Variants in IL1RAPL2 observed in about 807,000 individuals in gnomAD.
The protein encoded by IL1RAPL2 is interleukin 1 receptor accessory protein like 2.
In IL1RAPL2, 3 loss-of-function variants were observed where a neutral mutation model predicts 44.1. The observed-to-expected ratio is 0.07, with a 90% CI of 0.03 to 0.18. The LOEUF is 0.18. IL1RAPL2 is among the 10% of genes least tolerant of loss of function. IL1RAPL2 has a pLI of 1.00. For synonymous variants in IL1RAPL2, 181 were observed against 178.8 expected (o/e 1.01, Z -0.10); for missense variants, 391 against 496.4 (o/e 0.79, Z 2.02).
chrX:105,615,817 A>C (rs1264486356), intron 6 of IL1RAPL2, among the ~76,000 whole-genome samples: 1 of 112,325 alleles, frequency 8.9e-6, no homozygotes, highest in Non-Finnish European at 1.9e-5. Flanking sequence ...TTTAAAAATA[A>C]CTAAAAGAGT....
chrX:105,642,112 G>C (rs948018165), intron 6 of IL1RAPL2, among the ~76,000 whole-genome samples: 2 of 109,914 alleles, frequency 1.8e-5, no homozygotes, highest in Non-Finnish European at 3.8e-5. Flanking sequence ...AGCCCCCAAT[G>C]GTCTGGATCC....
At chrX:104,799,885 C>A (rs1483695902) in intron 2 of IL1RAPL2, among the ~76,000 whole-genome samples, 1 of 111,154 alleles carries the variant, frequency 9.0e-6, no homozygotes, top group Non-Finnish European at 1.9e-5. Context: ...TAACTGTGGT[C>A]ACCATGAAGT....
chrX:105,300,736 A>G (rs2034690970), intron 5 of IL1RAPL2, among the ~76,000 whole-genome samples: 2 of 111,315 alleles, frequency 1.8e-5, no homozygotes, highest in Admixed American at 1.9e-4. Flanking sequence ...AGTTTCACAC[A>G]TTAAAAGCTG....
chrX:105,065,655 A>G (rs934315722), intron 2 of IL1RAPL2, among the ~76,000 whole-genome samples: 1 of 112,221 alleles, frequency 8.9e-6, no homozygotes, highest in African/African-American at 3.2e-5. Flanking sequence ...GTGTTCAAAT[A>G]CCTAAAAGCT....
chrX:105,546,391 C>G (rs2036799727), intron 6 of IL1RAPL2, among the ~76,000 whole-genome samples: 1 of 111,133 alleles, frequency 9.0e-6, no homozygotes. Flanking sequence ...TTTAGGAAAA[C>G]AGACATGCAA....
intron 6 of IL1RAPL2, among the ~76,000 whole-genome samples, chrX:105,496,230 G>A (rs1453086069): frequency 8.9e-6 from 1 of 112,212 alleles, no homozygotes; most frequent in African/African-American, 3.2e-5. Context: ...TTACATGATT[G>A]ATATCTCATG....
intron 4 of IL1RAPL2, among the ~76,000 whole-genome samples, chrX:105,245,983 C>A (rs781353515): frequency 1.2e-4 from 13 of 112,533 alleles, no homozygotes; most frequent in Non-Finnish European, 2.1e-4. Flanking sequence ...TACAACTGAT[C>A]ATTCATTCAG....
intron 1 of IL1RAPL2, among the ~76,000 whole-genome samples, chrX:104,657,305 C>G (rs749908722): frequency 5.4e-5 from 6 of 111,408 alleles, no homozygotes; most frequent in Non-Finnish European, 7.5e-5. Context: ...ACAGAGGCCT[C>G]AGAAATAACA....
chrX:105,086,260 T>TACACACACAC (rs57243276), intron 2 of IL1RAPL2, among the ~76,000 whole-genome samples: 2,681 of 107,753 alleles, frequency 0.025, 105 homozygotes, highest in African/African-American at 0.087. Context: ...GAAAATGTGA[T>TACACACACAC]ACACACACAC....
chrX:105,072,076 G>T (rs1159183907), intron 2 of IL1RAPL2, among the ~76,000 whole-genome samples: 1 of 110,946 alleles, frequency 9.0e-6, no homozygotes, highest in East Asian at 2.9e-4. Context: ...TCAAGGGAGG[G>T]ACTGGGTGGG....
chrX:105,567,733 A>G (rs186531982), intron 6 of IL1RAPL2, among the ~76,000 whole-genome samples: 1 of 111,497 alleles, frequency 9.0e-6, no homozygotes, highest in Admixed American at 9.6e-5. Context: ...CACATTTGTC[A>G]ATTTGTCTTG....
intron 2 of IL1RAPL2, among the ~76,000 whole-genome samples, chrX:105,056,509 C>CT (rs1464289050): frequency 1.8e-5 from 2 of 111,769 alleles, no homozygotes; most frequent in East Asian, 5.6e-4. Flanking sequence ...AAATCAAGAA[C>CT]TTTAAGATTG....
chrX:105,079,902 A>G (rs747937450), intron 2 of IL1RAPL2, among the ~76,000 whole-genome samples: 7 of 111,659 alleles, frequency 6.3e-5, no homozygotes, highest in African/African-American at 2.0e-4. Flanking sequence ...TCTAAATGGT[A>G]TGAGATGGTA....
intron 2 of IL1RAPL2, among the ~76,000 whole-genome samples, chrX:104,777,677 A>G (rs1395516527): frequency 9.2e-6 from 1 of 108,882 alleles, no homozygotes; most frequent in African/African-American, 3.3e-5. Context: ...CCCCGGTTCA[A>G]GCAATTCTTG....
intron 10 of IL1RAPL2, among the ~76,000 whole-genome samples, chrX:105,762,519 C>T (rs2038695647): frequency 9.0e-6 from 1 of 111,566 alleles, no homozygotes; most frequent in South Asian, 3.7e-4. Context: ...ATTTAAGCAC[C>T]CTATCAAAAC....
chrX:104,985,435 A>G (rs1348124968), intron 2 of IL1RAPL2, among the ~76,000 whole-genome samples: 4 of 111,862 alleles, frequency 3.6e-5, no homozygotes, highest in Non-Finnish European at 5.6e-5. Flanking sequence ...GAGAGTGATG[A>G]TCAAATAGCA....
intron 2 of IL1RAPL2, among the ~76,000 whole-genome samples, chrX:104,708,876 T>C (rs1931405550): frequency 9.0e-6 from 1 of 110,979 alleles, no homozygotes; most frequent in African/African-American, 3.3e-5. Context: ...CCTGGGCTGC[T>C]TTTCTGATTG....
At position 105,457,661 on chromosome X, in the gene IL1RAPL2, G is replaced by A. The variant is rs1023157813; in HGVS notation, c.698-26652G>A. 1.9e-4 allele frequency among the ~76,000 whole-genome samples: 20 copies of A among 107,669 alleles called. No homozygotes were observed. In the South Asian group the frequency reaches 3.8e-3, roughly 21 times the overall value. The allele number at this position is 107,669 out of a possible 115,157, so 93.5% of individuals were successfully genotyped here. A position where few individuals can be genotyped will look rare whatever the true frequency, so the allele number is the denominator to read the frequency against. ...ATGTATGTTTTATATATATATGTAT[G>A]TTTTATATATATGTTATATATATGT... On this transcript the variant is annotated intron_variant, in intron 5 of 10. Transcript: ENST00000372582.
At chrX:104,976,374 A>G (rs1391917316) in intron 2 of IL1RAPL2, among the ~76,000 whole-genome samples, 1 of 111,981 alleles carries the variant, frequency 8.9e-6, no homozygotes, top group Non-Finnish European at 1.9e-5. Context: ...CTATCTAAGT[A>G]TAGGTAGTAA....
Sources: allele counts gnomAD v4.1 joint callset (sites outside exome capture counted in the v4.1 genomes callset), GRCh38; gene constraint gnomAD v4.1.1; transcripts MANE v1.5; gene names NCBI Gene and HGNC (gene_info 2026-07-23, HGNC 2026-07-21).